The following XRN1 variants were observed in gnomAD, a reference collection of about 807,000 sequenced individuals.
The protein encoded by XRN1 is strand-exchange protein 1 homolog.
XRN1 carries 67 observed loss-of-function variants against 222.3 expected under a neutral mutation model. The observed-to-expected ratio is 0.30, with a 90% CI of 0.25 to 0.37. The LOEUF is 0.37. XRN1 is among the 10% of genes least tolerant of loss of function. The pLI is 1.00. For synonymous variants in XRN1, 643 were observed against 652.4 expected (o/e 0.99, Z 0.22); for missense variants, 1,707 against 2,000.2 (o/e 0.85, Z 2.80).
chr3:142,428,400 A>G (rs1348189918), intron 2 of XRN1, among the ~76,000 whole-genome samples: 1 of 151,970 alleles, frequency 6.6e-6, no homozygotes, highest in African/African-American at 2.4e-5. Context: ...CTCCAAAAAA[A>G]AAAAAAAAAA....
At chr3:142,380,254 T>C in intron 22 of XRN1, 74 bp from the exon 23 acceptor site, 2 of 1,249,780 alleles carry the variant, frequency 1.6e-6, no homozygotes, top group African/African-American at 3.0e-5. Flanking sequence ...AACACTATTA[T>C]TTTTGAAATA....
At chr3:142,345,188 A>C (rs1316792112) in intron 33 of XRN1, among the ~76,000 whole-genome samples, 1 of 152,192 alleles carries the variant, frequency 6.6e-6, no homozygotes, top group Non-Finnish European at 1.5e-5. Context: ...CTCCTGCCTC[A>C]GACTCCTGGG....
At chr3:142,332,728 C>T in intron 35 of XRN1, 194 bp from the exon 36 acceptor site, 1 of 735,104 alleles carries the variant, frequency 1.4e-6, no homozygotes, top group East Asian at 2.9e-5. Context: ...ACTTATCCTC[C>T]TGCTTAACTT....
intron 20 of XRN1, among the ~76,000 whole-genome samples, chr3:142,388,075 T>G (rs2067575748): frequency 6.6e-6 from 1 of 152,190 alleles, no homozygotes; most frequent in Non-Finnish European, 1.5e-5. Context: ...CAGACTGGGC[T>G]AAGACAATAC....
intron 33 of XRN1, among the ~76,000 whole-genome samples, chr3:142,337,004 C>CA (rs1223675815): frequency 1.3e-5 from 2 of 151,766 alleles, no homozygotes; most frequent in Non-Finnish European, 2.9e-5. Flanking sequence ...TTAAAAACCA[C>CA]AAAATTTTTT....
intron 13 of XRN1, among the ~76,000 whole-genome samples, chr3:142,415,804 C>A (rs1302840550): frequency 3.3e-5 from 5 of 152,154 alleles, no homozygotes; most frequent in Non-Finnish European, 7.4e-5. Flanking sequence ...TGAACAAAAC[C>A]AAACCAAACA....
intron 27 of XRN1, among the ~76,000 whole-genome samples, chr3:142,366,751 T>G (rs1193557336): frequency 1.3e-5 from 2 of 151,948 alleles, no homozygotes; most frequent in Non-Finnish European, 2.9e-5. Context: ...TATGAAGAGA[T>G]TTAAGGGAAC....
intron 2 of XRN1, chr3:142,429,689 G>C (rs1337843086): frequency 6.6e-6 from 1 of 152,156 alleles, no homozygotes; most frequent in African/African-American, 2.4e-5. Flanking sequence ...TTTCCTTTTA[G>C]TTTACCTTCT....
At chr3:142,389,664 T>C (rs963011658) in intron 20 of XRN1, among the ~76,000 whole-genome samples, 1 of 152,002 alleles carries the variant, frequency 6.6e-6, no homozygotes, top group Non-Finnish European at 1.5e-5. Context: ...GGATTACAGG[T>C]GTCCGCCACC....
chr3:142,355,272 T>C, intron 32 of XRN1, 129 bp downstream of exon 32: 1 of 476,876 alleles, frequency 2.1e-6, no homozygotes, highest in Non-Finnish European at 3.4e-6. Flanking sequence ...AAAAAGAAAA[T>C]TCATGATCAA....
rs1026992381 is a variant in XRN1, at chr3:142,406,068, A to G, written c.1714-992T>C. 5.9e-5 allele frequency among the ~76,000 whole-genome samples: 9 copies of G among 152,158 alleles called. No homozygotes were observed. In the East Asian group the frequency reaches 1.7e-3, roughly 29 times the overall value. The stretch of plus-strand genomic sequence containing the variant: ...TAGCTAAAAATCAAAAGAAAAAAAG[A>G]AAGAGAAATGGGGAGAGAATATAAA... On this transcript the variant is annotated intron_variant, in intron 15 of 40. Transcript: ENST00000392981.
Position 142,375,782 on chromosome 3 carries a change from C to T in XRN1, c.2978+16G>A. ...AAGATTTTGGAATGACTACTAGTAT[C>T]TTATTATGTACTTACCTCTCTAAGT... is the stretch of plus-strand genomic sequence containing the variant. On this transcript the variant is annotated intron_variant, in intron 25 of 40. Transcript: ENST00000392981. 2 of 1,600,342 alleles carry T rather than the reference C, an allele frequency of 1.2e-6. No individual in the cohort carries two copies. Among genetic ancestry groups the T allele is most frequent in the Non-Finnish European group, 1.7e-6 (2 of 1,174,126 alleles).
chr3:142,423,428 T>A (rs1320492200), intron 6 of XRN1, 132 bp downstream of exon 6: 2 of 559,432 alleles, frequency 3.6e-6, no homozygotes, highest in East Asian at 6.7e-5. Context: ...CGTTTGTGCA[T>A]CAAAGGACAC....
At chr3:142,373,495 C>A (rs1231405004) in intron 25 of XRN1, among the ~76,000 whole-genome samples, 1 of 151,948 alleles carries the variant, frequency 6.6e-6, no homozygotes, top group African/African-American at 2.4e-5. Context: ...CCTGAAAGAG[C>A]TGAACAGGAG....
intron 23 of XRN1, among the ~76,000 whole-genome samples, chr3:142,377,661 A>G (rs1005545141): frequency 1.8e-4 from 27 of 152,330 alleles, no homozygotes; most frequent in African/African-American, 6.5e-4. Context: ...AAGATTCATT[A>G]AAACCATCAC....
At chr3:142,347,997 C>T (rs2066196928) in intron 32 of XRN1, among the ~76,000 whole-genome samples, 1 of 152,136 alleles carries the variant, frequency 6.6e-6, no homozygotes, top group South Asian at 2.1e-4. Context: ...AATGTTTCTT[C>T]ACCTTTAGAG....
At chr3:142,410,617 C>T (rs2068536237) in intron 15 of XRN1, among the ~76,000 whole-genome samples, 1 of 151,234 alleles carries the variant, frequency 6.6e-6, no homozygotes, top group Non-Finnish European at 1.5e-5. Context: ...GCCTCAGCCT[C>T]CTGAGAAGCT....
chr3:142,346,313 T>C (rs2066142780), intron 33 of XRN1, among the ~76,000 whole-genome samples: 1 of 152,170 alleles, frequency 6.6e-6, no homozygotes, highest in African/African-American at 2.4e-5. Flanking sequence ...GAAAATAGTG[T>C]AGTATTTGCA....
chr3:142,321,483 G>T (rs1170004393), intron 37 of XRN1, among the ~76,000 whole-genome samples: 1 of 152,148 alleles, frequency 6.6e-6, no homozygotes, highest in East Asian at 1.9e-4. Flanking sequence ...TGTATGCAAG[G>T]GTTTATTTTT....
Sources: gnomAD v4.1 joint callset for allele counts (sites outside exome capture counted in the v4.1 genomes callset) on GRCh38, gnomAD v4.1.1 for gene constraint, MANE v1.5 for transcripts, NCBI Gene and HGNC (gene_info 2026-07-23, HGNC 2026-07-21) for gene names.